The following CCDC138 variants were observed in gnomAD, a reference collection of about 807,000 sequenced individuals.
CCDC138 encodes coiled-coil domain-containing protein 138.
CCDC138 carries 66 observed loss-of-function variants against 82.3 expected under a neutral mutation model. The ratio of observed to expected loss-of-function variants is 0.80; its 90% CI spans 0.66 to 0.98. CCDC138 has a LOEUF of 0.98. Ranked by LOEUF, CCDC138 falls within the 50% of genes least tolerant of loss-of-function variation. The pLI is 0.00. For missense variants in CCDC138, 816 were observed against 758.9 expected (o/e 1.08, Z -0.88); for synonymous variants, 297 against 265.4 (o/e 1.12, Z -1.16).
intron 13 of CCDC138, among the ~76,000 whole-genome samples, chr2:108,859,436 C>A (rs1462241600): frequency 6.6e-6 from 1 of 152,072 alleles, no homozygotes; most frequent in Non-Finnish European, 1.5e-5. Context: ...ATTTTTATTG[C>A]ATTTGCTTTT....
chr2:108,798,120 G>A (rs1340905319), intron 5 of CCDC138, among the ~76,000 whole-genome samples: 1 of 152,130 alleles, frequency 6.6e-6, no homozygotes, highest in Non-Finnish European at 1.5e-5. Context: ...CTATGATGTG[G>A]AAGCAGAGCA....
chr2:108,850,943 A>T (rs1051571273), intron 12 of CCDC138, among the ~76,000 whole-genome samples: 5 of 152,120 alleles, frequency 3.3e-5, no homozygotes, highest in Admixed American at 6.5e-5. Flanking sequence ...CCACCTGGAG[A>T]TAGTGTCAGA....
chr2:108,871,520 C>T (rs895745426), intron 13 of CCDC138, among the ~76,000 whole-genome samples: 4 of 152,040 alleles, frequency 2.6e-5, no homozygotes, highest in African/African-American at 9.7e-5. Flanking sequence ...CCACTGCACT[C>T]CAGCCTGGGC....
At chr2:108,808,934 A>G (rs1683303807) in intron 7 of CCDC138, among the ~76,000 whole-genome samples, 1 of 151,988 alleles carries the variant, frequency 6.6e-6, no homozygotes, top group African/African-American at 2.4e-5. Context: ...TTCCTCTAGT[A>G]GTTGCATAGT....
At chr2:108,879,669 TG>T (rs2105343326), downstream of CCDC138, among the ~76,000 whole-genome samples, 1 of 152,312 alleles carries the variant, frequency 6.6e-6, no homozygotes, top group African/African-American at 2.4e-5. Flanking sequence ...CTTTGTGAGA[TG>T]GGTCTTTTAA....
At chr2:108,855,800 C>G (rs923454283) in intron 12 of CCDC138, among the ~76,000 whole-genome samples, 5 of 152,022 alleles carry the variant, frequency 3.3e-5, no homozygotes, top group Non-Finnish European at 7.4e-5. Context: ...GCTGAAACAG[C>G]AAAGAAGAAA....
intron 6 of CCDC138, among the ~76,000 whole-genome samples, chr2:108,802,469 A>G (rs910039288): frequency 2.8e-5 from 4 of 143,942 alleles, no homozygotes; most frequent in Admixed American, 2.8e-4. Context: ...TGATTTTTGT[A>G]CATTGATTTT....
At chr2:108,884,848 G>A (rs540503732) in intron 2 of CCDC138, 1 of 152,360 alleles carries the variant, frequency 6.6e-6, no homozygotes, top group East Asian at 1.9e-4. Flanking sequence ...AGGAATTGAA[G>A]GCGGGTCTGC....
chr2:108,803,298 CTGTT>C (rs750131282), intron 6 of CCDC138, among the ~76,000 whole-genome samples: 53 of 152,348 alleles, frequency 3.5e-4, no homozygotes, highest in Non-Finnish European at 6.0e-4. Flanking sequence ...AGAGGATCCT[CTGTT>C]TGAGTCTCTC....
upstream of CCDC138, chr2:108,786,768 G>C: frequency 6.7e-7 from 1 of 1,486,876 alleles, no homozygotes. Flanking sequence ...GCCGCGTAGC[G>C]CCGCGGGTTT....
intron 12 of CCDC138, 123 bp downstream of exon 12, chr2:108,847,053 T>C: frequency 1.6e-6 from 1 of 632,898 alleles, no homozygotes; most frequent in Non-Finnish European, 2.7e-6. Flanking sequence ...TGTTTTATAA[T>C]GGTTACACAT....
At chr2:108,883,105 T>G (rs955132532) in intron 2 of CCDC138, 1 of 152,240 alleles carries the variant, frequency 6.6e-6, no homozygotes, top group African/African-American at 2.4e-5. Context: ...ATCCTCTATA[T>G]TTTGTGAGCC....
chr2:108,794,890 T>C (rs1028836625), intron 5 of CCDC138, among the ~76,000 whole-genome samples, 169 bp downstream of exon 5: 2 of 152,088 alleles, frequency 1.3e-5, no homozygotes, highest in African/African-American at 2.4e-5. Context: ...AAGGGAAAAA[T>C]ACAGTGGCTG....
At chr2:108,827,814 TA>T (rs11346556) in intron 10 of CCDC138, among the ~76,000 whole-genome samples, 92,317 of 134,032 alleles carry the variant, frequency 0.69, 31,946 homozygotes, top group East Asian at 0.89. Flanking sequence ...AGAATATGTC[TA>T]AAAAAAAAAA....
chr2:108,869,832 A>G (rs578244095), intron 13 of CCDC138, among the ~76,000 whole-genome samples: 72 of 152,296 alleles, frequency 4.7e-4, no homozygotes, highest in Non-Finnish European at 7.8e-4. Context: ...TCAGTCTTCA[A>G]AGACTGGGAG....
chr2:108,873,195 T>G (rs1695539465), intron 13 of CCDC138, among the ~76,000 whole-genome samples: 2 of 152,216 alleles, frequency 1.3e-5, no homozygotes, highest in Admixed American at 1.3e-4. Flanking sequence ...CTTTCAAACA[T>G]GGGATTTCTT....
rs1436365128 is a variant in CCDC138 at position 108,789,097 on chromosome 2, G to A, written c.266+131G>A. ...GAGGACAAGTATAAGGCAGTCTGGA[G>A]CCTGCTAAATAGTTGAAGCGAGTCA... On this transcript the variant is annotated intron_variant, in intron 3 of 14. Transcript: ENST00000295124. The A allele has an allele frequency of 4.0e-6, 3 of 756,346 alleles. No individual in the cohort carries two copies. In the Admixed American group the frequency reaches 8.8e-5, roughly 22 times the overall value. The allele number at this position is 756,346 out of a possible 1,614,324, so 46.9% of individuals were successfully genotyped here. A position where few individuals can be genotyped will look rare whatever the true frequency, so the allele number is the denominator to read the frequency against.
chr2:108,820,712 A>C lies in CCDC138; in HGVS notation c.1206+4607A>C, dbSNP rs73952521. On this transcript the variant is annotated intron_variant, in intron 10 of 14. Coordinates refer to ENST00000295124, the MANE Select transcript of CCDC138 (RefSeq NM_144978.3). ...ACATTCAAAGTGCAAAAAAAAAAAA[A>C]AAACAAACAACAAAACTGTTAACCA... 1.5e-3 allele frequency among the ~76,000 whole-genome samples: 34 copies of C among 22,596 alleles called. 2 individuals carry two copies. In the East Asian group the frequency reaches 0.022, roughly 15 times the overall value. The allele number at this position is 22,596 out of a possible 152,430, so 14.8% of individuals were successfully genotyped here. A position where few individuals can be genotyped will look rare whatever the true frequency, so the allele number is the denominator to read the frequency against.
At chr2:108,806,419 A>G (rs1274353333) in intron 7 of CCDC138, among the ~76,000 whole-genome samples, 2 of 152,212 alleles carry the variant, frequency 1.3e-5, no homozygotes, top group Non-Finnish European at 2.9e-5. Flanking sequence ...GGACCTATTG[A>G]TAATTGGATT....
Sources: gnomAD v4.1 joint callset for allele counts (sites outside exome capture counted in the v4.1 genomes callset) on GRCh38, gnomAD v4.1.1 for gene constraint, MANE v1.5 for transcripts, NCBI Gene and HGNC (gene_info 2026-07-23, HGNC 2026-07-21) for gene names.